Variants in HAS2 observed in about 807,000 individuals in gnomAD.
HAS2 encodes the protein hyaluronan synthase 2.
In HAS2, 16 loss-of-function variants were observed where a neutral mutation model predicts 51.6. The ratio of observed to expected loss-of-function variants is 0.31; its 90% CI spans 0.21 to 0.47. The LOEUF is 0.47. Ranked by LOEUF, HAS2 falls within the 20% of genes least tolerant of loss-of-function variation. The probability of loss-of-function intolerance (pLI) is 1.00; values close to 1 mark genes in which losing one functional copy is unlikely to be tolerated. For missense variants in HAS2, 361 were observed against 662.6 expected (o/e 0.54, Z 5.00); for synonymous variants, 228 against 235.5 (o/e 0.97, Z 0.29).
At chr8:121,621,473 A>C (rs1002313405) in intron 2 of HAS2, among the ~76,000 whole-genome samples, 1 of 152,204 alleles carries the variant, frequency 6.6e-6, no homozygotes, top group Non-Finnish European at 1.5e-5. Flanking sequence ...ATTACAAAGG[A>C]CTGTAGAGAA....
At chr8:121,619,069 T>A (rs1302341974) in intron 2 of HAS2, among the ~76,000 whole-genome samples, 3 of 152,004 alleles carry the variant, frequency 2.0e-5, no homozygotes, top group Non-Finnish European at 4.4e-5. Context: ...AACTAAGGAA[T>A]CCCAACATTT....
intron 1 of HAS2, among the ~76,000 whole-genome samples, chr8:121,632,741 A>G (rs993186988): frequency 1.4e-5 from 2 of 145,266 alleles, no homozygotes; most frequent in African/African-American, 5.0e-5. Flanking sequence ...TTTACTCATC[A>G]TCATCATCAT....
chr8:121,626,501 G>A (rs543405471), intron 2 of HAS2, among the ~76,000 whole-genome samples: 2 of 152,234 alleles, frequency 1.3e-5, no homozygotes, highest in East Asian at 3.9e-4. Flanking sequence ...ATTTTCTCTT[G>A]TGTATTACCA....
At chr8:121,638,488 T>C (rs921741096) in intron 1 of HAS2, among the ~76,000 whole-genome samples, 1 of 152,178 alleles carries the variant, frequency 6.6e-6, no homozygotes, top group African/African-American at 2.4e-5. Context: ...GTCCACAATA[T>C]ATTTTTCTAT....
chr8:121,631,288 A>C (rs1455819253), intron 1 of HAS2, among the ~76,000 whole-genome samples: 1 of 152,184 alleles, frequency 6.6e-6, no homozygotes, highest in African/African-American at 2.4e-5. Context: ...GGTGTACTGC[A>C]CTAGTATAAC....
chr8:121,637,639 C>T (rs1447429625), intron 1 of HAS2, among the ~76,000 whole-genome samples: 1 of 152,138 alleles, frequency 6.6e-6, no homozygotes, highest in Non-Finnish European at 1.5e-5. Flanking sequence ...GATCTGCCCT[C>T]CTCAGCCTCC....
rs59119892 is a variant in HAS2, at chr8:121,632,252, T to A, written c.1-2912A>T. 6.1e-3 allele frequency among the ~76,000 whole-genome samples: 926 copies of A among 152,262 alleles called. 12 individuals carry two copies. Among genetic ancestry groups the A allele is most frequent in the African/African-American group, 0.021 (889 of 41,540 alleles). Reference sequence around the variant, plus strand: ...CACATAGGACGTGTTTCTTTATAATTTCCCCTGGGCAATTGCATTGATATG... The same window carrying A: ...CACATAGGACGTGTTTCTTTATAATATCCCCTGGGCAATTGCATTGATATG... On this transcript the variant is annotated intron_variant, in intron 1 of 3. Transcript: ENST00000303924.
At chr8:121,625,239 G>A (rs1226105056) in intron 2 of HAS2, among the ~76,000 whole-genome samples, 1 of 151,952 alleles carries the variant, frequency 6.6e-6, no homozygotes, top group East Asian at 1.9e-4. Flanking sequence ...ATTGGAAAGT[G>A]TCAATCAGTT....
chr8:121,629,808 A>G (rs2130446411), intron 1 of HAS2, among the ~76,000 whole-genome samples: 1 of 152,220 alleles, frequency 6.6e-6, no homozygotes, highest in South Asian at 2.1e-4. Flanking sequence ...CTCATGTGTA[A>G]TTTAATCTCA....
intron 1 of HAS2, chr8:121,639,840 C>G (rs904620867): frequency 6.6e-6 from 1 of 152,318 alleles, no homozygotes; most frequent in Non-Finnish European, 1.5e-5. Context: ...TCCATCCCAA[C>G]CCAGCCTCTG....
At chr8:121,625,315 G>T (rs566355031) in intron 2 of HAS2, among the ~76,000 whole-genome samples, 1 of 152,032 alleles carries the variant, frequency 6.6e-6, no homozygotes, top group Non-Finnish European at 1.5e-5. Context: ...AAAACATGCT[G>T]CCATAAGCCT....
chr8:121,613,606 A>G lies in HAS2; in HGVS notation c.*503T>C, dbSNP rs1234424867. 1 of 153,162 alleles carries G rather than the reference A, an allele frequency of 6.5e-6. No individual in the cohort carries two copies. Among genetic ancestry groups the G allele is most frequent in the East Asian group, 1.9e-4 (1 of 5,200 alleles). 9.5% of individuals were successfully genotyped at this position (153,162 alleles called of 1,614,324 possible). A position where few individuals can be genotyped will look rare whatever the true frequency, so the allele number is the denominator to read the frequency against. On this transcript the variant is annotated 3_prime_UTR_variant, in exon 4 of 4. Coordinates refer to ENST00000303924, the MANE Select transcript of HAS2 (RefSeq NM_005328.3). ...ATTGGCATACAAAATTTAAAAACAC[A>G]GTACAATTATATCAAAATACAGCAC...
intron 1 of HAS2, among the ~76,000 whole-genome samples, chr8:121,640,414 C>G (rs953092964): frequency 3.2e-5 from 3 of 94,548 alleles, no homozygotes; most frequent in Non-Finnish European, 7.4e-5. Flanking sequence ...CAGTTTTTCT[C>G]CCCACAGTGT....
In HAS2 at chr8:121,615,108, G is replaced by A. The variant is rs1212645907; in HGVS notation, c.730-70C>T. On this transcript the variant is annotated intron_variant, in intron 3 of 3. Coordinates refer to ENST00000303924, the MANE Select transcript of HAS2 (RefSeq NM_005328.3). ...ATTCCAGCAAAACCTGTTCCATCCT[G>A]AGGTTACTACCTGGAGTAATATTTG... 4 of 1,030,178 alleles carry A rather than the reference G, an allele frequency of 3.9e-6. No homozygotes were observed. The African/African-American group carries it at 4.8e-5, about 12-fold the overall frequency. 63.8% of individuals were successfully genotyped at this position (1,030,178 alleles called of 1,614,324 possible). A position where few individuals can be genotyped will look rare whatever the true frequency, so the allele number is the denominator to read the frequency against.
At chr8:121,631,970 A>G (rs1029019417) in intron 1 of HAS2, among the ~76,000 whole-genome samples, 1 of 152,252 alleles carries the variant, frequency 6.6e-6, no homozygotes, top group Non-Finnish European at 1.5e-5. Flanking sequence ...GAGTGTTGAC[A>G]TAGCATCTGC....
In HAS2 at chr8:121,628,904, T is replaced by C. The variant is rs752627872; in HGVS notation, c.437A>G (p.Tyr146Cys). 1 of 1,614,104 alleles carries C rather than the reference T, an allele frequency of 6.2e-7. No homozygotes were observed. Among genetic ancestry groups the C allele is most frequent in the South Asian group, 1.1e-5 (1 of 91,084 alleles). The part of the protein sequence containing the change: ...EVMGRDKSAT[Y>C]IWKNNFHEKG... Reference sequence around the variant, plus strand: ...TTCGTGGAAGTTGTTCTTCCAGATATAAGTGGCTGATTTGTCTCTGCCCAT... The same window carrying C: ...TTCGTGGAAGTTGTTCTTCCAGATACAAGTGGCTGATTTGTCTCTGCCCAT... The change falls in exon 2 of 4, where the codon TAT becomes TGT. Residue 146 changes from tyrosine to cysteine, a missense_variant. Physicochemically the swap from Tyr to Cys is radical, Grantham distance 194. Coordinates refer to ENST00000303924, the MANE Select transcript of HAS2 (RefSeq NM_005328.3).
rs889017566 is a variant in HAS2 at position 121,613,083 on chromosome 8, T to C, written c.*1026A>G. 4 of 152,176 alleles carry C rather than the reference T, an allele frequency of 2.6e-5. No individual in the cohort carries two copies. Among genetic ancestry groups the C allele is most frequent in the African/African-American group, 9.7e-5 (4 of 41,436 alleles). 9.4% of individuals were successfully genotyped at this position (152,176 alleles called of 1,614,324 possible). ...ACAGATAATTTCTCCACTTTCCACT[T>C]GACTTGTTCTGGGAAAACACTGCCA... On this transcript the variant is annotated 3_prime_UTR_variant, in exon 4 of 4. Coordinates refer to ENST00000303924, the MANE Select transcript of HAS2 (RefSeq NM_005328.3).
At chr8:121,627,390 G>A (rs753295881) in intron 2 of HAS2, among the ~76,000 whole-genome samples, 1 of 152,066 alleles carries the variant, frequency 6.6e-6, no homozygotes, top group Non-Finnish European at 1.5e-5. Context: ...ACAGAGAAAT[G>A]CTCCCAGCTG....
Position 121,614,423 on chromosome 8 carries a change from G to A in HAS2, c.1345C>T (p.Pro449Ser). 1 of 1,614,148 alleles carries A rather than the reference G, an allele frequency of 6.2e-7. No individual in the cohort carries two copies. The highest frequency in any genetic ancestry group is 8.5e-7 in the Non-Finnish European group (1 of 1,180,008). Reference sequence around the variant, plus strand: ...GTTGCAATTGCAAACATCTTGGCGGGAAGTAAACTCGACATGTATAACACT... The same window carrying A: ...GTTGCAATTGCAAACATCTTGGCGGAAAGTAAACTCGACATGTATAACACT... ...YSVLYMSSLL[P>S]AKMFAIATIN... The change falls in exon 4 of 4, where the codon CCC becomes TCC. Residue 449 changes from proline (P) to serine (S), a missense_variant. Coordinates refer to ENST00000303924, the MANE Select transcript of HAS2 (RefSeq NM_005328.3). This position sits in a 1 kb window ranked among gnomAD's most constrained non-coding sequence, Gnocchi z 7.2.
Sources: allele counts gnomAD v4.1 joint callset (sites outside exome capture counted in the v4.1 genomes callset), GRCh38; gene constraint gnomAD v4.1.1; non-coding constraint Gnocchi (gnomAD v3.1); transcripts MANE v1.5; gene names NCBI Gene and HGNC (gene_info 2026-07-23, HGNC 2026-07-21).